The following PRKAR2B variants were observed in gnomAD, a reference collection of about 807,000 sequenced individuals.
PRKAR2B encodes the protein protein kinase cAMP-dependent type II regulatory subunit beta.
PRKAR2B carries 14 observed loss-of-function variants against 49.9 expected under a neutral mutation model. That is an observed-to-expected ratio of 0.28 (90% CI 0.19 to 0.44). The LOEUF (loss-of-function observed/expected upper bound fraction) is 0.44. Among genes scored for constraint, PRKAR2B ranks in the 20% least tolerant of loss-of-function variants. PRKAR2B has a pLI of 1.00. For synonymous variants in PRKAR2B, 196 were observed against 197.7 expected (o/e 0.99, Z 0.07); for missense variants, 393 against 537.9 (o/e 0.73, Z 2.67).
At chr7:107,130,229 G>T (rs1344104537) in intron 4 of PRKAR2B, among the ~76,000 whole-genome samples, 1 of 152,198 alleles carries the variant, frequency 6.6e-6, no homozygotes, top group Non-Finnish European at 1.5e-5. Context: ...GCCGGGCGTG[G>T]TGGCTCATGC....
intron 2 of PRKAR2B, among the ~76,000 whole-genome samples, chr7:107,090,288 T>C (rs1794712451): frequency 6.6e-6 from 1 of 152,186 alleles, no homozygotes; most frequent in South Asian, 2.1e-4. Context: ...TTGCTCCATA[T>C]GGTGAGGAGC....
intron 2 of PRKAR2B, chr7:107,077,096 A>G (rs890897288): frequency 1.3e-5 from 2 of 152,196 alleles, no homozygotes; most frequent in South Asian, 4.1e-4. Context: ...GGTCATTTCT[A>G]TATTGTCAAA....
intron 5 of PRKAR2B, among the ~76,000 whole-genome samples, chr7:107,141,724 A>G (rs748803488): frequency 1.3e-5 from 2 of 152,186 alleles, no homozygotes; most frequent in Non-Finnish European, 2.9e-5. Context: ...AAATAAAAAT[A>G]GGAAATGCAA....
chr7:107,140,707 G>A (rs1478154990), intron 4 of PRKAR2B, 140 bp from the exon 5 acceptor site: 2 of 528,746 alleles, frequency 3.8e-6, no homozygotes, highest in Non-Finnish European at 6.7e-6. Flanking sequence ...AGACTACTAT[G>A]TATTTTTCTG....
chr7:107,091,797 T>C (rs992082563), intron 2 of PRKAR2B: 4 of 152,218 alleles, frequency 2.6e-5, no homozygotes, highest in Non-Finnish European at 5.9e-5. Flanking sequence ...AAGAATAACC[T>C]GGACGATAGA....
chr7:107,158,775 A>G (rs988797389), intron 10 of PRKAR2B, among the ~76,000 whole-genome samples: 2 of 152,184 alleles, frequency 1.3e-5, no homozygotes, highest in African/African-American at 4.8e-5. Context: ...TCTTGTAAAC[A>G]TTGCCTTTTT....
At chr7:107,127,146 T>C (rs1381049704) in intron 3 of PRKAR2B, among the ~76,000 whole-genome samples, 1 of 152,232 alleles carries the variant, frequency 6.6e-6, no homozygotes, top group East Asian at 1.9e-4. Context: ...TGAGTTTTGA[T>C]GTTTGTGGCT....
intron 5 of PRKAR2B, among the ~76,000 whole-genome samples, chr7:107,143,798 T>C (rs1019694866): frequency 1.3e-5 from 2 of 152,188 alleles, no homozygotes; most frequent in Non-Finnish European, 2.9e-5. Flanking sequence ...TGAGGCTGTG[T>C]GTATAAGGTA....
chr7:107,126,607 C>T (rs143475769), intron 3 of PRKAR2B, among the ~76,000 whole-genome samples: 11 of 152,000 alleles, frequency 7.2e-5, no homozygotes, highest in African/African-American at 2.4e-4. Flanking sequence ...TCCTCTCCCC[C>T]CTTTCCTTTC....
chr7:107,094,358 G>T lies in PRKAR2B; in HGVS notation c.343+24042G>T, dbSNP rs181370204. ...CTTTGCCTTTTTGATGGGGTTTTTT[G>T]ATTTTTTCTTGTAAATGTGTTTAAA... is the stretch of plus-strand genomic sequence containing the variant. On this transcript the variant is annotated intron_variant, in intron 2 of 10. Coordinates refer to ENST00000265717, the MANE Select transcript of PRKAR2B (RefSeq NM_002736.3). Among the ~76,000 whole-genome samples the T allele has an allele frequency of 1.4e-3, 208 of 152,174 alleles. 1 individual carries two copies. The highest frequency in any genetic ancestry group is 4.7e-3 in the African/African-American group (196 of 41,524).
chr7:107,073,743 T>C (rs1794332500), intron 2 of PRKAR2B, among the ~76,000 whole-genome samples: 1 of 152,154 alleles, frequency 6.6e-6, no homozygotes, highest in South Asian at 2.1e-4. Context: ...CAGCTCTTAA[T>C]AATCCCTTCT....
At chr7:107,082,040 C>G (rs1011880290) in intron 2 of PRKAR2B, 1 of 145,286 alleles carries the variant, frequency 6.9e-6, no homozygotes, top group Non-Finnish European at 1.5e-5. Context: ...AATTTTTGAA[C>G]AGCAGCTTAC....
chr7:107,110,070 C>T (rs1440371429), intron 2 of PRKAR2B, among the ~76,000 whole-genome samples: 1 of 152,184 alleles, frequency 6.6e-6, no homozygotes, highest in Non-Finnish European at 1.5e-5. Flanking sequence ...CCAGCAGTGG[C>T]CGCATGGTGC....
intron 5 of PRKAR2B, 79 bp downstream of exon 5, chr7:107,141,032 A>G: frequency 1.0e-6 from 1 of 982,518 alleles, no homozygotes; most frequent in Non-Finnish European, 1.6e-6. Flanking sequence ...GGCAACTGAC[A>G]GGTTAATATA....
chr7:107,152,257 C>T (rs1796001235), intron 7 of PRKAR2B, among the ~76,000 whole-genome samples: 1 of 152,152 alleles, frequency 6.6e-6, no homozygotes, highest in Non-Finnish European at 1.5e-5. Context: ...CAGACTGTCC[C>T]ATTCCCCCAC....
intron 2 of PRKAR2B, among the ~76,000 whole-genome samples, chr7:107,093,293 G>C (rs954965055): frequency 3.3e-5 from 5 of 152,116 alleles, no homozygotes; most frequent in Non-Finnish European, 4.4e-5. Context: ...AGGAACTGCT[G>C]TGCTGTTTTC....
At chr7:107,116,521 A>G (rs867712897) in intron 2 of PRKAR2B, among the ~76,000 whole-genome samples, 1 of 152,218 alleles carries the variant, frequency 6.6e-6, no homozygotes, top group South Asian at 2.1e-4. Flanking sequence ...CATTATATAA[A>G]ATGTATAACA....
chr7:107,092,314 A>G (rs1406645750), intron 2 of PRKAR2B, among the ~76,000 whole-genome samples: 1 of 151,384 alleles, frequency 6.6e-6, no homozygotes, highest in Non-Finnish European at 1.5e-5. Flanking sequence ...AAATTAGCAG[A>G]TGTATCATTA....
chr7:107,101,135 A>ATTTTTTT (rs950761298), intron 2 of PRKAR2B, among the ~76,000 whole-genome samples: 220 of 94,630 alleles, frequency 2.3e-3, no homozygotes, highest in Non-Finnish European at 2.7e-3. Flanking sequence ...GTTGTTGCTT[A>ATTTTTTT]TTTTTTTTTT....
Sources: gnomAD v4.1 joint callset for allele counts (sites outside exome capture counted in the v4.1 genomes callset) on GRCh38, gnomAD v4.1.1 for gene constraint, MANE v1.5 for transcripts, NCBI Gene and HGNC (gene_info 2026-07-23, HGNC 2026-07-21) for gene names.